The following NTRK3 variants were observed in gnomAD, a reference collection of about 807,000 sequenced individuals.
NTRK3 encodes NT-3 growth factor receptor.
A neutral mutation model predicts 91.7 loss-of-function variants in NTRK3; 24 were observed. The observed-to-expected ratio is 0.26, with a 90% CI of 0.19 to 0.37. The LOEUF (loss-of-function observed/expected upper bound fraction) is 0.37, where lower values mean the gene tolerates loss of function less well. NTRK3 is among the 10% of genes least tolerant of loss of function. The pLI is 1.00. For synonymous variants in NTRK3, 483 were observed against 404.0 expected (o/e 1.20, Z -2.34); for missense variants, 880 against 1,068.9 (o/e 0.82, Z 2.46).
intron 3 of NTRK3, among the ~76,000 whole-genome samples, chr15:88,207,692 G>T (rs937353925): frequency 6.6e-6 from 1 of 151,724 alleles, no homozygotes; most frequent in Non-Finnish European, 1.5e-5. Context: ...AAAGAAGCAG[G>T]TCCCCAGATA....
At chr15:87,860,458 G>A (rs1285142345) in exon 19 of NTRK3, 10 of 215,872 alleles carry the variant, frequency 4.6e-5, no homozygotes, top group Non-Finnish European at 8.4e-5. Context: ...TCTAACCTGT[G>A]GCCATCTTAT....
In NTRK3 at chr15:87,875,706, C is replaced by G. The variant is rs774725828; in HGVS notation, c.*1229G>C. 31 of 233,036 alleles carry G rather than the reference C, an allele frequency of 1.3e-4. No individual in the cohort carries two copies. The Admixed American group carries it at 1.4e-3, about 10-fold the overall frequency. The allele number at this position is 233,036 out of a possible 1,614,324, so 14.4% of individuals were successfully genotyped here. On this transcript the variant is annotated 3_prime_UTR_variant, in exon 19 of 19. Coordinates refer to ENST00000394480, the Ensembl canonical transcript of NTRK3. ...TGCCAAGTAGATTCTCCCCTGCTGG[C>G]TCTCACCCACTCCACTGCTTGCTTT...
chr15:87,887,813 A>T (rs2065636363), intron 17 of NTRK3, among the ~76,000 whole-genome samples: 1 of 152,232 alleles, frequency 6.6e-6, no homozygotes, highest in African/African-American at 2.4e-5. Context: ...TGGCCACAGC[A>T]TGTTACATAC....
intron 3 of NTRK3, among the ~76,000 whole-genome samples, chr15:88,186,291 G>A (rs1233838102): frequency 5.3e-5 from 8 of 152,274 alleles, no homozygotes; most frequent in African/African-American, 1.9e-4. Flanking sequence ...CCATAAATGT[G>A]TTGTTACGGT....
At chr15:87,862,450 T>C (rs1219199576) in exon 19 of NTRK3, 2 of 228,016 alleles carry the variant, frequency 8.8e-6, no homozygotes, top group Non-Finnish European at 1.7e-5. Context: ...TTCAGAGCCT[T>C]GGATGGTACA....
At chr15:88,100,170 C>G (rs1597312540) in intron 13 of NTRK3, among the ~76,000 whole-genome samples, 1 of 152,214 alleles carries the variant, frequency 6.6e-6, no homozygotes, top group East Asian at 1.9e-4. Flanking sequence ...GGCCACCTTT[C>G]AGATATAAGC....
chr15:88,049,234 T>C (rs1231602391), intron 13 of NTRK3, among the ~76,000 whole-genome samples: 1 of 152,222 alleles, frequency 6.6e-6, no homozygotes, highest in African/African-American at 2.4e-5. Flanking sequence ...TTACATAGTA[T>C]GCCTAGTCTA....
At chr15:88,118,542 T>C (rs1235575705) in intron 13 of NTRK3, among the ~76,000 whole-genome samples, 1 of 152,246 alleles carries the variant, frequency 6.6e-6, no homozygotes, top group African/African-American at 2.4e-5. Flanking sequence ...AGTGAGGAAG[T>C]ATGTCACCAT....
intron 13 of NTRK3, among the ~76,000 whole-genome samples, chr15:88,041,221 G>A (rs2079575766): frequency 1.3e-5 from 2 of 152,176 alleles, no homozygotes; most frequent in African/African-American, 4.8e-5. Context: ...ATAGCTCTGG[G>A]CTGACAAGTC....
At chr15:88,202,319 T>G (rs1249492179) in intron 3 of NTRK3, among the ~76,000 whole-genome samples, 1 of 152,162 alleles carries the variant, frequency 6.6e-6, no homozygotes, top group African/African-American at 2.4e-5. Context: ...TCACTGACTT[T>G]CTCTCCTGGC....
At chr15:88,145,325 G>T (rs949546292) in intron 6 of NTRK3, among the ~76,000 whole-genome samples, 1 of 152,084 alleles carries the variant, frequency 6.6e-6, no homozygotes, top group Non-Finnish European at 1.5e-5. Flanking sequence ...CCCCTACCAG[G>T]GTGATTGCTC....
At chr15:87,867,658 T>G in exon 19 of NTRK3, 1 of 229,356 alleles carries the variant, frequency 4.4e-6, no homozygotes, top group Non-Finnish European at 8.7e-6. Context: ...CCTAGCCCAG[T>G]GCTCTTCTCC....
At chr15:87,880,168 C>G in intron 18 of NTRK3, 102 bp downstream of exon 19, 1 of 1,493,148 alleles carries the variant, frequency 6.7e-7, no homozygotes, top group Non-Finnish European at 9.3e-7. Flanking sequence ...TCTGCTGGCT[C>G]TAAATCCCAC....
intron 3 of NTRK3, among the ~76,000 whole-genome samples, chr15:88,204,273 A>T (rs1660255158): frequency 6.6e-6 from 1 of 152,168 alleles, no homozygotes; most frequent in Admixed American, 6.5e-5. Context: ...TGCTCTCGCC[A>T]GTCTTGGGAT....
intron 13 of NTRK3, among the ~76,000 whole-genome samples, chr15:88,055,153 C>T (rs1159479848): frequency 6.6e-6 from 1 of 152,180 alleles, no homozygotes; most frequent in Non-Finnish European, 1.5e-5. Context: ...CTGTGGTAGA[C>T]CCCCATGGCC....
At chr15:88,112,108 A>G (rs376152820) in intron 13 of NTRK3, among the ~76,000 whole-genome samples, 1,568 of 152,056 alleles carry the variant, frequency 0.01, 8 homozygotes, top group South Asian at 0.031. Flanking sequence ...GGGTTTCACA[A>G]TGTTAGCCAG....
intron 13 of NTRK3, among the ~76,000 whole-genome samples, chr15:88,082,857 CACAGGGGCT>C (rs2048179438): frequency 6.6e-6 from 1 of 152,198 alleles, no homozygotes; most frequent in African/African-American, 2.4e-5. Context: ...ATCTCTTTTA[CACAGGGGCT>C]TCCACAAAGA....
chr15:88,007,568 T>C (rs1428411522), intron 14 of NTRK3, among the ~76,000 whole-genome samples: 1 of 152,166 alleles, frequency 6.6e-6, no homozygotes, highest in Non-Finnish European at 1.5e-5. Flanking sequence ...CAAGGATCTG[T>C]TGTATCTTTT....
chr15:88,018,186 G>C (rs952182560), intron 14 of NTRK3, among the ~76,000 whole-genome samples: 1 of 152,182 alleles, frequency 6.6e-6, no homozygotes, highest in African/African-American at 2.4e-5. Flanking sequence ...CTTCTGGGAG[G>C]CCTGCCTCAT....
Sources: gnomAD v4.1 joint callset for allele counts (sites outside exome capture counted in the v4.1 genomes callset) on GRCh38, gnomAD v4.1.1 for gene constraint, MANE v1.5 for transcripts, NCBI Gene and HGNC (gene_info 2026-07-23, HGNC 2026-07-21) for gene names.